Variants in CDC37L1 observed in about 807,000 individuals in gnomAD.
CDC37L1 encodes hsp90 co-chaperone Cdc37-like 1.
CDC37L1 carries 32 observed loss-of-function variants against 45.9 expected under a neutral mutation model. That is an observed-to-expected ratio of 0.70 (90% CI 0.53 to 0.94). The LOEUF (loss-of-function observed/expected upper bound fraction) is 0.94, where lower values mean the gene tolerates loss of function less well. Among genes scored for constraint, CDC37L1 ranks in the 40% least tolerant of loss-of-function variants. The probability of loss-of-function intolerance (pLI) is 0.00; values close to 1 mark genes in which losing one functional copy is unlikely to be tolerated. For missense variants in CDC37L1, 434 were observed against 405.7 expected (o/e 1.07, Z -0.60); for synonymous variants, 150 against 133.0 (o/e 1.13, Z -0.88).
intron 5 of CDC37L1, among the ~76,000 whole-genome samples, chr9:4,700,571 A>C (rs565729846): frequency 6.6e-6 from 1 of 152,322 alleles, no homozygotes; most frequent in African/African-American, 2.4e-5. Context: ...AATCATATAT[A>C]TTGTTTGACA....
chr9:4,693,421 C>A (rs912007664), intron 3 of CDC37L1, among the ~76,000 whole-genome samples: 2 of 151,694 alleles, frequency 1.3e-5, no homozygotes, highest in African/African-American at 4.8e-5. Context: ...CTAGCCTAGA[C>A]AACAGAGGAA....
intron 3 of CDC37L1, among the ~76,000 whole-genome samples, chr9:4,689,484 A>T (rs1478292321): frequency 1.3e-5 from 2 of 152,124 alleles, no homozygotes; most frequent in Non-Finnish European, 2.9e-5. Context: ...AGTTATGTCA[A>T]TATAATAAAT....
At chr9:4,679,988 C>T in intron 1 of CDC37L1, 89 bp downstream of exon 1, 2 of 1,495,242 alleles carry the variant, frequency 1.3e-6, no homozygotes, top group Admixed American at 1.9e-5. Flanking sequence ...CTCTTCTACG[C>T]CTTTTTCTAC....
intron 6 of CDC37L1, 72 bp downstream of exon 6, chr9:4,702,100 C>G: frequency 1.9e-6 from 1 of 529,602 alleles, no homozygotes; most frequent in Non-Finnish European, 2.9e-6. Context: ...TTGCCCCACT[C>G]TTTTTTTTTT....
intron 3 of CDC37L1, among the ~76,000 whole-genome samples, chr9:4,690,200 G>C (rs1215633764): frequency 1.3e-5 from 2 of 152,106 alleles, no homozygotes; most frequent in African/African-American, 4.8e-5. Flanking sequence ...ATGAGTTTCT[G>C]GGTCAAAAAA....
Position 4,683,097 on chromosome 9 carries a change from A to C in CDC37L1, c.133-1780A>C, listed in dbSNP as rs1220894720. Among the ~76,000 whole-genome samples, 6 of 143,406 alleles carry C rather than the reference A, an allele frequency of 4.2e-5. No individual in the cohort carries two copies. In the Admixed American group the frequency reaches 4.3e-4, roughly 10 times the overall value. The allele number at this position is 143,406 out of a possible 152,430, so 94.1% of individuals were successfully genotyped here. A position where few individuals can be genotyped will look rare whatever the true frequency, so the allele number is the denominator to read the frequency against. ...TTTATATATTTTATATATATATTTT[A>C]TTTTTATATATAAAATATATTTTAT... On this transcript the variant is annotated intron_variant, in intron 1 of 6. Transcript: ENST00000381854.
chr9:4,694,277 A>T (rs576778294), intron 3 of CDC37L1, among the ~76,000 whole-genome samples: 1 of 152,194 alleles, frequency 6.6e-6, no homozygotes, highest in East Asian at 1.9e-4. Flanking sequence ...ACACGGTCTC[A>T]TTTTGTTGCC....
At position 4,702,019 on chromosome 9, in the gene CDC37L1, C is replaced by G; in HGVS notation, c.903C>G (p.Ser301=). 7.1e-7 allele frequency: 1 copy of G among 1,407,516 alleles called. No homozygotes were observed. Among genetic ancestry groups the G allele is most frequent in the Non-Finnish European group, 9.4e-7 (1 of 1,068,428 alleles). The allele number at this position is 1,407,516 out of a possible 1,614,324, so 87.2% of individuals were successfully genotyped here. ...SGVGSIGLLE[S]LPQNPDYLQY... ...TTGGATCTATAGGTTTATTAGAATC[C>G]TTACCACAGGTAAGTTGGAAAAGTA... is the stretch of plus-strand genomic sequence containing the variant. Residue 301 remains serine (S), a synonymous_variant, in exon 6 of 7, where the codon TCC becomes TCG. Coordinates refer to ENST00000381854, the MANE Select transcript of CDC37L1 (RefSeq NM_017913.4).
chr9:4,695,137 A>C (rs1195522309), intron 3 of CDC37L1, among the ~76,000 whole-genome samples: 1 of 152,184 alleles, frequency 6.6e-6, no homozygotes, highest in African/African-American at 2.4e-5. Flanking sequence ...TTGTGGGTTC[A>C]AGTATAAGAA....
chr9:4,691,352 G>A (rs1359740626), intron 3 of CDC37L1, among the ~76,000 whole-genome samples: 1 of 152,166 alleles, frequency 6.6e-6, no homozygotes, highest in African/African-American at 2.4e-5. Flanking sequence ...AAACTCCAGT[G>A]TGTGTTGTTC....
At position 4,679,674 on chromosome 9, in the gene CDC37L1, T is replaced by G; in HGVS notation, c.-94T>G. The G allele has an allele frequency of 8.2e-7, 1 of 1,222,788 alleles. No individual in the cohort carries two copies. The highest frequency in any genetic ancestry group is 1.1e-6 in the Non-Finnish European group (1 of 899,414). 75.7% of individuals were successfully genotyped at this position (1,222,788 alleles called of 1,614,324 possible). A position where few individuals can be genotyped will look rare whatever the true frequency, so the allele number is the denominator to read the frequency against. ...AACGGCCCGGACCCCCGGCTGGGCT[T>G]CTGGCTCGGCGCAGCAGGTTCCATT... On this transcript the variant is annotated 5_prime_UTR_variant, in exon 1 of 7. Transcript: ENST00000381854.
intron 3 of CDC37L1, among the ~76,000 whole-genome samples, chr9:4,691,468 T>G (rs1224262950): frequency 6.6e-6 from 1 of 152,210 alleles, no homozygotes. Context: ...GATAATGGCT[T>G]CTGGTATACT....
At chr9:4,697,273 T>C (rs1425583623) in intron 4 of CDC37L1, 62 bp downstream of exon 4, 1 of 787,202 alleles carries the variant, frequency 1.3e-6, no homozygotes, top group Non-Finnish European at 2.2e-6. Context: ...TCATACTTTA[T>C]TGATGTTTTG....
rs752547839 is a variant in CDC37L1, at chr9:4,679,618, C to A, written c.-150C>A. The A allele has an allele frequency of 6.9e-5, 45 of 654,042 alleles. No homozygotes were observed. Among genetic ancestry groups the A allele is most frequent in the Non-Finnish European group, 1.0e-4 (41 of 400,004 alleles). The allele number at this position is 654,042 out of a possible 1,614,324, so 40.5% of individuals were successfully genotyped here. A position where few individuals can be genotyped will look rare whatever the true frequency, so the allele number is the denominator to read the frequency against. Reference sequence around the variant, plus strand: ...GCCCAGGCTGTCGCCGGGTGTGCAGCGGCGTCGCGGCCAGTAGAGGGATTC... The same window carrying A: ...GCCCAGGCTGTCGCCGGGTGTGCAGAGGCGTCGCGGCCAGTAGAGGGATTC... On this transcript the variant is annotated 5_prime_UTR_variant, in exon 1 of 7. Coordinates refer to ENST00000381854, the MANE Select transcript of CDC37L1 (RefSeq NM_017913.4).
intron 2 of CDC37L1, among the ~76,000 whole-genome samples, chr9:4,687,925 T>A (rs1384703314): frequency 6.6e-6 from 1 of 152,152 alleles, no homozygotes; most frequent in Non-Finnish European, 1.5e-5. Context: ...ATTGGGAAAT[T>A]CAGCTTACCA....
intron 2 of CDC37L1, 137 bp downstream of exon 2, chr9:4,685,295 A>G: frequency 1.5e-6 from 1 of 675,174 alleles, no homozygotes; most frequent in Non-Finnish European, 2.5e-6. Context: ...AGGTGCTTGA[A>G]AAGTTTATGA....
At position 4,697,259 on chromosome 9, in the gene CDC37L1, G is replaced by T. The variant is rs187411927; in HGVS notation, c.624+48G>T. The T allele has an allele frequency of 1.7e-3, 1,443 of 833,758 alleles. 3 individuals carry two copies. The highest frequency in any genetic ancestry group is 2.8e-3 in the South Asian group (192 of 69,694). 51.6% of individuals were successfully genotyped at this position (833,758 alleles called of 1,614,324 possible). ...TTTCTGGGAACCTTAGTGGAAATCT[G>T]ATTTCATACTTTATTGATGTTTTGT... On this transcript the variant is annotated intron_variant, in intron 4 of 6. Coordinates refer to ENST00000381854, the MANE Select transcript of CDC37L1 (RefSeq NM_017913.4).
chr9:4,698,342 TG>T (rs1841366566), intron 5 of CDC37L1, among the ~76,000 whole-genome samples: 1 of 151,652 alleles, frequency 6.6e-6, no homozygotes, highest in African/African-American at 2.4e-5. Flanking sequence ...AAAATACCCA[TG>T]GTACATAGAA....
chr9:4,681,898 T>C lies in CDC37L1; in HGVS notation c.132+1999T>C, dbSNP rs1208099355. ...ATCCAATTAATGTAAAGGCAGATCA[T>C]GTTTAATGTCCCTCTAAAACTTCTG... is the stretch of plus-strand genomic sequence containing the variant. On this transcript the variant is annotated intron_variant, in intron 1 of 6. Coordinates refer to ENST00000381854, the MANE Select transcript of CDC37L1 (RefSeq NM_017913.4). Among the ~76,000 whole-genome samples, 3 of 152,298 alleles carry C rather than the reference T, an allele frequency of 2.0e-5. No homozygotes were observed. In the East Asian group the frequency reaches 5.8e-4, roughly 29 times the overall value.
Sources: gnomAD v4.1 joint callset for allele counts (sites outside exome capture counted in the v4.1 genomes callset) on GRCh38, gnomAD v4.1.1 for gene constraint, MANE v1.5 for transcripts, NCBI Gene and HGNC (gene_info 2026-07-23, HGNC 2026-07-21) for gene names.